TUBGCP3: variants seen among roughly 807,000 people sequenced by gnomAD.
The protein encoded by TUBGCP3 is tubulin gamma complex component 3.
In TUBGCP3, 50 loss-of-function variants were observed where a neutral mutation model predicts 123.1. The ratio of observed to expected loss-of-function variants is 0.41; its 90% confidence interval spans 0.32 to 0.51. The LOEUF is 0.51. Among genes scored for constraint, TUBGCP3 ranks in the 20% least tolerant of loss-of-function variants. TUBGCP3 has a pLI of 0.36. For synonymous variants in TUBGCP3, 405 were observed against 413.9 expected (o/e 0.98, Z 0.26); for missense variants, 882 against 1,127.0 (o/e 0.78, Z 3.11).
intron 1 of TUBGCP3, 117 bp downstream of exon 1, chr13:112,587,788 G>T: frequency 3.3e-6 from 3 of 912,412 alleles, no homozygotes; most frequent in Non-Finnish European, 4.7e-6. Flanking sequence ...CCGTCCCCCA[G>T]CCCTCTGCCC....
upstream of TUBGCP3, among the ~76,000 whole-genome samples, chr13:112,591,829 A>G (rs140167286): frequency 1.6e-3 from 237 of 152,318 alleles, 5 homozygotes; most frequent in Admixed American, 0.014. Flanking sequence ...AGATTAGACC[A>G]CTCAATATCG....
At chr13:112,567,603 T>A (rs1881053729) in intron 2 of TUBGCP3, among the ~76,000 whole-genome samples, 1 of 152,222 alleles carries the variant, frequency 6.6e-6, no homozygotes, top group African/African-American at 2.4e-5. Flanking sequence ...TTCCCCGTCT[T>A]AAATAATACA....
At chr13:112,506,850 G>A (rs150795312) in intron 17 of TUBGCP3, among the ~76,000 whole-genome samples, 2 of 152,110 alleles carry the variant, frequency 1.3e-5, no homozygotes, top group African/African-American at 4.8e-5. Flanking sequence ...TTATGGTTTC[G>A]GTGAGATTCT....
chr13:112,498,509 A>G (rs1424068145), intron 20 of TUBGCP3, among the ~76,000 whole-genome samples: 1 of 152,250 alleles, frequency 6.6e-6, no homozygotes, highest in Non-Finnish European at 1.5e-5. Context: ...TTGTGACGTC[A>G]TGTCAGTGAT....
intron 1 of TUBGCP3, among the ~76,000 whole-genome samples, chr13:112,575,940 TG>T (rs567017799): frequency 1.6e-4 from 24 of 152,184 alleles, no homozygotes; most frequent in Non-Finnish European, 3.2e-4. Context: ...CCCTGCAACC[TG>T]CAGTCAGCCC....
intron 17 of TUBGCP3, among the ~76,000 whole-genome samples, chr13:112,507,604 G>C (rs951580243): frequency 1.1e-4 from 16 of 152,326 alleles, no homozygotes; most frequent in Admixed American, 9.8e-4. Context: ...GTGGGTGACA[G>C]AAGCGGCTCA....
chr13:112,536,094 T>C (rs1371577718), intron 11 of TUBGCP3, among the ~76,000 whole-genome samples: 6 of 152,258 alleles, frequency 3.9e-5, no homozygotes, highest in African/African-American at 1.4e-4. Flanking sequence ...GGGCTCTCGC[T>C]TCTAGTCCAT....
At position 112,500,043 on chromosome 13, in the gene TUBGCP3, G is replaced by A. The variant is rs1880801194; in HGVS notation, c.2308-858C>T. Among the ~76,000 whole-genome samples the A allele has an allele frequency of 2.0e-5, 3 of 152,118 alleles. No individual in the cohort carries two copies. In the South Asian group the frequency reaches 6.2e-4, roughly 32 times the overall value. ...GAATTGGGGTATTGGCAGGGAAGGG[G>A]ATAAAATTAAACCCAACAAAATATG... On this transcript the variant is annotated intron_variant, in intron 19 of 21. Coordinates refer to ENST00000261965, the MANE Select transcript of TUBGCP3 (RefSeq NM_006322.6).
chr13:112,588,565 G>C (rs1449301717), upstream of TUBGCP3, among the ~76,000 whole-genome samples: 2 of 152,136 alleles, frequency 1.3e-5, no homozygotes, highest in Non-Finnish European at 2.9e-5. Context: ...TCCAACAGGC[G>C]CCCTGCTCAG....
chr13:112,588,782 T>C (rs768661941), upstream of TUBGCP3, among the ~76,000 whole-genome samples: 6 of 152,132 alleles, frequency 3.9e-5, no homozygotes, highest in Admixed American at 6.5e-5. Flanking sequence ...TGAGCTACCA[T>C]GTTAAAAGGC....
At chr13:112,504,824 T>A in intron 17 of TUBGCP3, 110 bp from the exon 18 acceptor site, 1 of 872,532 alleles carries the variant, frequency 1.1e-6, no homozygotes, top group Non-Finnish European at 1.8e-6. Flanking sequence ...ATCAGTCATT[T>A]AAATTCTTGA....
chr13:112,571,002 G>A (rs1368354140), intron 1 of TUBGCP3, among the ~76,000 whole-genome samples: 1 of 152,110 alleles, frequency 6.6e-6, no homozygotes, highest in Non-Finnish European at 1.5e-5. Context: ...ACCTCTTCAA[G>A]ATCCTCTTCT....
At chr13:112,512,750 G>A (rs988988935) in intron 17 of TUBGCP3, among the ~76,000 whole-genome samples, 6 of 152,010 alleles carry the variant, frequency 3.9e-5, no homozygotes, top group Non-Finnish European at 7.4e-5. Context: ...AAAGGTAAAC[G>A]TAAATCTCCA....
At position 112,509,736 on chromosome 13, in the gene TUBGCP3, A is replaced by C. The variant is rs547818126; in HGVS notation, c.2087-5022T>G. On this transcript the variant is annotated intron_variant, in intron 17 of 21. Transcript: ENST00000261965. ...AACCTCGTAAAACCATCCACATGAC[A>C]GAAGTCTGAAATCCCTACAATATCA... Among the ~76,000 whole-genome samples, 495 of 152,322 alleles carry C rather than the reference A, an allele frequency of 3.2e-3. 3 individuals are homozygous for C. Among genetic ancestry groups the C allele is most frequent in the Non-Finnish European group, 5.3e-3 (361 of 68,022 alleles).
chr13:112,557,615 T>C (rs1380670353), intron 5 of TUBGCP3, among the ~76,000 whole-genome samples: 1 of 152,244 alleles, frequency 6.6e-6, no homozygotes, highest in Non-Finnish European at 1.5e-5. Flanking sequence ...CATCCATGAA[T>C]GACAATGGCG....
At chr13:112,551,799 A>G (rs749282186) in intron 8 of TUBGCP3, among the ~76,000 whole-genome samples, 4 of 150,046 alleles carry the variant, frequency 2.7e-5, no homozygotes, top group Admixed American at 6.6e-5. Context: ...TCTAAAGTCC[A>G]GTACTATAAA....
At chr13:112,533,766 C>G (rs183120353) in intron 11 of TUBGCP3, among the ~76,000 whole-genome samples, 1 of 147,864 alleles carries the variant, frequency 6.8e-6, no homozygotes, top group Non-Finnish European at 1.5e-5. Context: ...TTTGGACACA[C>G]TAGATAAAGC....
intron 11 of TUBGCP3, among the ~76,000 whole-genome samples, chr13:112,532,258 A>T (rs1877642833): frequency 6.6e-6 from 1 of 152,252 alleles, no homozygotes; most frequent in African/African-American, 2.4e-5. Flanking sequence ...GGTATGGCAT[A>T]AAAATTCCAA....
At chr13:112,520,444 G>A (rs374085689) in intron 14 of TUBGCP3, among the ~76,000 whole-genome samples, 6 of 151,940 alleles carry the variant, frequency 3.9e-5, no homozygotes, top group African/African-American at 1.5e-4. Context: ...CAGGAGAATC[G>A]CTTGAACCCA....
Sources: gnomAD v4.1 joint callset for allele counts (sites outside exome capture counted in the v4.1 genomes callset) on GRCh38, gnomAD v4.1.1 for gene constraint, MANE v1.5 for transcripts, NCBI Gene and HGNC (gene_info 2026-07-23, HGNC 2026-07-21) for gene names.